ARHGAP24: variants seen among roughly 807,000 people sequenced by gnomAD.
ARHGAP24 encodes the protein Rho GTPase activating protein 24, also known as rho GTPase-activating protein 24.
ARHGAP24 carries 50 observed loss-of-function variants against 76.4 expected under a neutral mutation model. The observed-to-expected ratio is 0.65, with a 90% CI of 0.52 to 0.83. ARHGAP24 has a LOEUF of 0.83. Ranked by LOEUF, ARHGAP24 falls within the 40% of genes least tolerant of loss-of-function variation. ARHGAP24 has a pLI of 0.00. For missense variants in ARHGAP24, 930 were observed against 914.2 expected, an observed-to-expected ratio of 1.02 and a Z score of -0.22; for synonymous variants, 345 against 323.3, an observed-to-expected ratio of 1.07 and a Z score of -0.72.
chr4:85,874,293 C>T (rs114493353), intron 3 of ARHGAP24, among the ~76,000 whole-genome samples: 3,890 of 152,144 alleles, frequency 0.026, 76 homozygotes, highest in Middle Eastern at 0.037. Context: ...TGCTTCTAAT[C>T]GATACCATTT....
chr4:85,840,017 C>CTTTTTTTTTTTT (rs70948759), intron 3 of ARHGAP24, among the ~76,000 whole-genome samples: 6 of 116,052 alleles, frequency 5.2e-5, no homozygotes, highest in Non-Finnish European at 8.7e-5. Context: ...GCCTGGCTAA[C>CTTTTTTTTTTTT]TTTTTTTTTT....
intron 3 of ARHGAP24, among the ~76,000 whole-genome samples, chr4:85,845,252 A>G (rs1447133911): frequency 1.3e-5 from 2 of 152,194 alleles, no homozygotes; most frequent in African/African-American, 2.4e-5. Flanking sequence ...CTGTGTAAAA[A>G]TTGTATTATA....
At chr4:85,879,316 A>G (rs1733107829) in intron 3 of ARHGAP24, among the ~76,000 whole-genome samples, 1 of 152,120 alleles carries the variant, frequency 6.6e-6, no homozygotes, top group East Asian at 1.9e-4. Context: ...TCTGTACGAC[A>G]CGTTAAGCAT....
At chr4:85,868,970 A>G (rs1732365451) in intron 3 of ARHGAP24, among the ~76,000 whole-genome samples, 1 of 151,862 alleles carries the variant, frequency 6.6e-6, no homozygotes, top group African/African-American at 2.4e-5. Context: ...TGTATTTTGT[A>G]TATCATATAT....
At chr4:85,650,310 G>A (rs188132501) in intron 2 of ARHGAP24, among the ~76,000 whole-genome samples, 1,586 of 149,760 alleles carry the variant, frequency 0.011, 38 homozygotes, top group Middle Eastern at 0.02. Flanking sequence ...CCAAAGACAA[G>A]ATTATTGCTT....
intron 3 of ARHGAP24, among the ~76,000 whole-genome samples, chr4:85,887,779 G>A (rs919512358): frequency 2.0e-5 from 3 of 152,170 alleles, no homozygotes; most frequent in African/African-American, 7.2e-5. Context: ...CTGTTCTTAT[G>A]TACTTATGTC....
At chr4:85,564,411 G>A (rs182508690) in intron 1 of ARHGAP24, among the ~76,000 whole-genome samples, 4,759 of 147,510 alleles carry the variant, frequency 0.032, 300 homozygotes, top group African/African-American at 0.12. Context: ...GGGGAGCGGG[G>A]GGGATAGCAT....
chr4:85,745,329 C>G (rs1055461076), intron 3 of ARHGAP24, among the ~76,000 whole-genome samples: 1 of 146,408 alleles, frequency 6.8e-6, no homozygotes, highest in Non-Finnish European at 1.5e-5. Context: ...TGTATATATA[C>G]ATATATACAT....
At chr4:85,658,462 A>G (rs1722259842) in intron 2 of ARHGAP24, among the ~76,000 whole-genome samples, 1 of 152,204 alleles carries the variant, frequency 6.6e-6, no homozygotes, top group Admixed American at 6.5e-5. Flanking sequence ...TTGTGGTACA[A>G]AGTAGAAATA....
intron 1 of ARHGAP24, among the ~76,000 whole-genome samples, chr4:85,519,033 G>T (rs1468850782): frequency 6.6e-6 from 1 of 151,892 alleles, no homozygotes; most frequent in African/African-American, 2.4e-5. Context: ...CATACAAATG[G>T]CTAACAAACA....
At chr4:85,748,713 C>T (rs1273768809) in intron 3 of ARHGAP24, among the ~76,000 whole-genome samples, 4 of 152,012 alleles carry the variant, frequency 2.6e-5, no homozygotes, top group Non-Finnish European at 5.9e-5. Context: ...GTTTTATCTC[C>T]CAAGTATGAT....
chr4:85,566,674 G>T (rs1284877421), intron 1 of ARHGAP24, among the ~76,000 whole-genome samples: 1 of 152,106 alleles, frequency 6.6e-6, no homozygotes, highest in Non-Finnish European at 1.5e-5. Flanking sequence ...GGTATCACTG[G>T]GTATGCACAG....
At chr4:85,506,310 G>A (rs918302983) in intron 1 of ARHGAP24, among the ~76,000 whole-genome samples, 1 of 152,224 alleles carries the variant, frequency 6.6e-6, no homozygotes, top group African/African-American at 2.4e-5. Flanking sequence ...ATTTGCAGAA[G>A]TTTCTGCTGC....
intron 1 of ARHGAP24, among the ~76,000 whole-genome samples, chr4:85,522,593 G>T (rs1055248347): frequency 3.3e-5 from 5 of 152,150 alleles, no homozygotes; most frequent in Non-Finnish European, 7.4e-5. Flanking sequence ...TACTTATAAA[G>T]AATTATCCAT....
intron 2 of ARHGAP24, among the ~76,000 whole-genome samples, chr4:85,676,479 G>T (rs2110006164): frequency 6.6e-6 from 1 of 152,246 alleles, no homozygotes; most frequent in African/African-American, 2.4e-5. Context: ...CTCAGTTGGG[G>T]CTTGGGGTCT....
At chr4:85,600,195 A>C (rs111500211) in intron 2 of ARHGAP24, among the ~76,000 whole-genome samples, 1 of 152,162 alleles carries the variant, frequency 6.6e-6, no homozygotes, top group African/African-American at 2.4e-5. Context: ...ATGGGCACTG[A>C]AAGGAGGTCA....
At chr4:85,648,651 CTG>C (rs1721817383) in intron 2 of ARHGAP24, among the ~76,000 whole-genome samples, 1 of 152,040 alleles carries the variant, frequency 6.6e-6, no homozygotes, top group Non-Finnish European at 1.5e-5. Flanking sequence ...CAAGTGGAAA[CTG>C]TTATTTCCTC....
intron 2 of ARHGAP24, among the ~76,000 whole-genome samples, chr4:85,646,825 T>A (rs1002670684): frequency 6.6e-6 from 1 of 152,148 alleles, no homozygotes; most frequent in African/African-American, 2.4e-5. Flanking sequence ...GAAAGTGTAC[T>A]CCTTAATATG....
intron 3 of ARHGAP24, among the ~76,000 whole-genome samples, chr4:85,832,227 C>T (rs762544335): frequency 1.4e-4 from 22 of 152,154 alleles, no homozygotes; most frequent in Non-Finnish European, 2.4e-4. Flanking sequence ...TGTATAATTC[C>T]GGTGGTCTCA....
Sources: allele counts gnomAD v4.1 joint callset (sites outside exome capture counted in the v4.1 genomes callset), GRCh38; gene constraint gnomAD v4.1.1; transcripts MANE v1.5; gene names NCBI Gene and HGNC (gene_info 2026-07-23, HGNC 2026-07-21).